Variants in LARGE2 observed in about 807,000 individuals in gnomAD.
LARGE2 encodes the protein LARGE xylosyl- and glucuronyltransferase 2.
A neutral mutation model predicts 75.3 loss-of-function variants in LARGE2; 63 were observed. That is an observed-to-expected ratio of 0.84 (90% CI 0.68 to 1.03). The LOEUF is 1.03. Ranked by LOEUF, LARGE2 falls within the 50% of genes least tolerant of loss-of-function variation. The pLI is 0.00. For missense variants in LARGE2, 925 were observed against 980.6 expected (o/e 0.94, Z 0.76); for synonymous variants, 428 against 420.1 (o/e 1.02, Z -0.23).
chr11:45,928,544 A>G, intron 13 of LARGE2, 86 bp from the exon 14 acceptor site: 2 of 1,553,468 alleles, frequency 1.3e-6, no homozygotes, highest in East Asian at 2.3e-5. Flanking sequence ...CTCAGGGGCT[A>G]CAGGGTAAGC....
upstream of LARGE2, among the ~76,000 whole-genome samples, chr11:45,922,416 C>A (rs568252513): frequency 1.5e-4 from 23 of 152,162 alleles, 1 homozygote; most frequent in South Asian, 4.4e-3. Context: ...GGCAGGGGGT[C>A]AGGGCAGGTA....
rs778966357 is a variant in LARGE2 at position 45,928,242 on chromosome 11, C to G, written c.1820C>G (p.Pro607Arg). 6.2e-7 allele frequency: 1 copy of G among 1,614,020 alleles called. No individual in the cohort carries two copies. The highest frequency in any genetic ancestry group is 1.7e-5 in the Admixed American group (1 of 60,024). Reference sequence around the variant, plus strand: ...GCCCGCTGGCGGGAGGCTCAGGCCCCGTACCGTGTGCAATGGGCGGCCAAC... The same window carrying G: ...GCCCGCTGGCGGGAGGCTCAGGCCCGGTACCGTGTGCAATGGGCGGCCAAC... Reference protein sequence around the residue: ...DYARWREAQAPYRVQWAANYE... With the variant: ...DYARWREAQARYRVQWAANYE... Residue 607 changes from proline to arginine, a missense_variant, in exon 13 of 14, where the codon CCG (proline) becomes CGG (arginine). This residue lies in a region of LARGE2 where 469 missense variants were observed against 503.8 expected (regional missense o/e 0.93). Transcript: ENST00000401752.
chr11:45,925,052 G>C (rs2087090754), intron 6 of LARGE2, among the ~76,000 whole-genome samples, 163 bp downstream of exon 6: 1 of 152,230 alleles, frequency 6.6e-6, no homozygotes, highest in South Asian at 2.1e-4. Flanking sequence ...TCCTGTGTGT[G>C]CTGGATGACT....
upstream of LARGE2, among the ~76,000 whole-genome samples, chr11:45,922,536 G>T (rs1441356841): frequency 6.6e-6 from 1 of 152,086 alleles, no homozygotes; most frequent in African/African-American, 2.4e-5. Flanking sequence ...GCGGGCTGGG[G>T]AACCGTCGGA....
chr11:45,929,033 T>C lies in LARGE2; in HGVS notation c.*188T>C, dbSNP rs1019519356. On this transcript the variant is annotated 3_prime_UTR_variant, in exon 14 of 14. Transcript: ENST00000401752. ...CTGGTCTCTCTCTGCCCCAGCCAGTTTGGGGCTGGTTCCCCCATCTTGAAT... is the reference window on the plus strand; with the variant it reads ...CTGGTCTCTCTCTGCCCCAGCCAGTCTGGGGCTGGTTCCCCCATCTTGAAT... 2.0e-4 allele frequency: 135 copies of C among 686,976 alleles called. No individual in the cohort carries two copies. In the Middle Eastern group the frequency reaches 3.5e-3, roughly 18 times the overall value. 42.6% of individuals were successfully genotyped at this position (686,976 alleles called of 1,614,324 possible). A position where few individuals can be genotyped will look rare whatever the true frequency, so the allele number is the denominator to read the frequency against.
intron 11 of LARGE2, 47 bp from the exon 12 acceptor site, chr11:45,927,873 C>T (rs1231268769): frequency 3.1e-6 from 5 of 1,609,168 alleles, no homozygotes; most frequent in South Asian, 1.1e-5. Context: ...CTGGCCCAGT[C>T]CTAGATGCCC....
At position 45,927,981 on chromosome 11, in the gene LARGE2, T is replaced by A. The variant is rs1230500689; in HGVS notation, c.1666T>A (p.Phe556Ile). 9.3e-6 allele frequency: 15 copies of A among 1,613,682 alleles called. No homozygotes were observed. The highest frequency in any genetic ancestry group is 1.3e-5 in the Non-Finnish European group (15 of 1,179,998). Residue 556 changes from phenylalanine to isoleucine, a missense_variant, in exon 12 of 14, where the codon TTC becomes ATC. By Grantham distance (21) the Phe-to-Ile change is conservative. Transcript: ENST00000401752. ...RRKAALVVPA[F>I]ETLRYRFSFP... Reference sequence around the variant, plus strand: ...CAAGGCAGCACTGGTGGTGCCGGCATTCGAGACCCTGCGCTACCGCTTCAG... The same window carrying A: ...CAAGGCAGCACTGGTGGTGCCGGCAATCGAGACCCTGCGCTACCGCTTCAG...
upstream of LARGE2, among the ~76,000 whole-genome samples, chr11:45,922,235 G>A (rs1386305232): frequency 6.6e-6 from 1 of 152,162 alleles, no homozygotes; most frequent in Non-Finnish European, 1.5e-5. Flanking sequence ...GGTGTCGGCC[G>A]GCTCCGCCCC....
chr11:45,923,126 T>C lies in LARGE2; in HGVS notation c.244T>C (p.Ser82Pro). ...GGCCGGCCCCGGGGACCACAACCGCTCCGACTGCGGCCCGCAGCCGCCGCC... is the reference window on the plus strand; with the variant it reads ...GGCCGGCCCCGGGGACCACAACCGCCCCGACTGCGGCCCGCAGCCGCCGCC... ...PGAGPGDHNR[S>P]DCGPQPPPPP... is the part of the protein sequence containing the mutation. The change falls in exon 2 of 14, where the codon TCC becomes CCC. Residue 82 changes from serine (S) to proline (P), a missense_variant. Ser to Pro is a moderately conservative substitution (Grantham distance 74, BLOSUM62 -1). This residue lies in a region of LARGE2 where 453 missense variants were observed against 460.2 expected (regional missense o/e 0.98). Transcript: ENST00000401752. The C allele has an allele frequency of 1.5e-6, 2 of 1,364,602 alleles. No individual in the cohort carries two copies. Among genetic ancestry groups the C allele is most frequent in the Non-Finnish European group, 1.9e-6 (2 of 1,067,432 alleles). 84.5% of individuals were successfully genotyped at this position (1,364,602 alleles called of 1,614,324 possible).
At chr11:45,928,458 C>T (rs2087358379) in intron 13 of LARGE2, 86 bp downstream of exon 13, 2 of 1,542,638 alleles carry the variant, frequency 1.3e-6, no homozygotes, top group African/African-American at 2.7e-5. Flanking sequence ...GGGGACCACA[C>T]CACTAGGCAA....
In LARGE2 at chr11:45,924,898, A is replaced by G; in HGVS notation, c.769+9A>G. ...CCGGGGATTTAACACAGGTGGGGACAGTGGTGAGGGGAGGCAGGCGGGGTG... is the reference window on the plus strand; with the variant it reads ...CCGGGGATTTAACACAGGTGGGGACGGTGGTGAGGGGAGGCAGGCGGGGTG... On this transcript the variant is annotated intron_variant, in intron 6 of 13. Transcript: ENST00000401752. The G allele has an allele frequency of 8.3e-6, 12 of 1,442,000 alleles. No individual in the cohort carries two copies. The highest frequency in any genetic ancestry group is 9.1e-6 in the Non-Finnish European group (10 of 1,093,026). 89.3% of individuals were successfully genotyped at this position (1,442,000 alleles called of 1,614,324 possible).
rs765214518 is a variant in LARGE2, at chr11:45,924,501, CACAGCCCCAGGTCTCCTGGATCCCCA to C, written c.493-1_517del. 6.2e-7 allele frequency: 1 copy of C among 1,609,948 alleles called. No individual in the cohort carries two copies. The highest frequency in any genetic ancestry group is 2.2e-5 in the East Asian group (1 of 44,794). ...CATCTCATCTCCTGCCTTTCCCCCACACAGCCCCAGGTCTCCTGGATCCCCAACAAGCACTACTCCGGCCTCTATGG... is the reference window on the plus strand; with the variant it reads ...CATCTCATCTCCTGCCTTTCCCCCACACAAGCACTACTCCGGCCTCTATGG... On this transcript the variant is annotated splice_acceptor_variant and splice_polypyrimidine_tract_variant and coding_sequence_variant and intron_variant, in exon 5 of 14. Coordinates refer to ENST00000401752, the MANE Select transcript of LARGE2 (RefSeq NM_001300721.2). LOFTEE classifies it high-confidence loss of function.
chr11:45,924,086 C>T (rs999996956), intron 3 of LARGE2, 68 bp from the exon 4 acceptor site: 29 of 1,564,228 alleles, frequency 1.9e-5, no homozygotes, highest in Non-Finnish European at 2.3e-5. Context: ...CTGCGCCCCT[C>T]GGGGTGGGGG....
At chr11:45,924,425 CCT>C in intron 4 of LARGE2, 79 bp from the exon 5 acceptor site, 1 of 1,570,908 alleles carries the variant, frequency 6.4e-7, no homozygotes, top group Non-Finnish European at 8.6e-7. Context: ...TACCCCCTCT[CCT>C]CTGTGTCACT....
rs1246916535 is a variant in LARGE2, at chr11:45,928,679, A to G, written c.2000A>G (p.His667Arg). 1.9e-6 allele frequency: 3 copies of G among 1,613,890 alleles called. No individual in the cohort carries two copies. The highest frequency in any genetic ancestry group is 2.5e-6 in the Non-Finnish European group (3 of 1,180,012). The change falls in exon 14 of 14, where the codon CAC becomes CGC. Residue 667 changes from histidine to arginine, a missense_variant. Coordinates refer to ENST00000401752, the MANE Select transcript of LARGE2 (RefSeq NM_001300721.2). ...GAGGCCTTCACCATCCATCTGCCCC[A>G]CGCTCCAAGCCTGGACATCTCCCGC... ...LPEAFTIHLP[H>R]APSLDISRFR...
chr11:45,927,254 A>G (rs969058514), intron 10 of LARGE2, 61 bp from the exon 11 acceptor site: 1 of 1,545,098 alleles, frequency 6.5e-7, no homozygotes, highest in Admixed American at 1.9e-5. Context: ...GAGGTTTGCC[A>G]GGCCTCCCTG....
rs757130808 is a variant in LARGE2 at position 45,928,758 on chromosome 11, C to A, written c.2079C>A (p.Phe693Leu). The A allele has an allele frequency of 2.5e-6, 4 of 1,614,008 alleles. No individual in the cohort carries two copies. Residue 693 changes from phenylalanine (F) to leucine (L), a missense_variant, in exon 14 of 14, where the codon TTC becomes TTA. Physicochemically the swap from Phe to Leu is conservative, Grantham distance 22 (BLOSUM62 0). This residue lies in a region of LARGE2 where 469 missense variants were observed against 503.8 expected (regional missense o/e 0.93). Transcript: ENST00000401752. ...RDCLQALKDE[F>L]HQDLSRHHGA... ...GCCTCCAGGCCCTCAAGGACGAATTCCACCAGGACTTGTCCCGCCACCATG... is the reference window on the plus strand; with the variant it reads ...GCCTCCAGGCCCTCAAGGACGAATTACACCAGGACTTGTCCCGCCACCATG...
chr11:45,921,986 G>C (rs2086937237), upstream of LARGE2, among the ~76,000 whole-genome samples: 1 of 152,106 alleles, frequency 6.6e-6, no homozygotes, highest in African/African-American at 2.4e-5. Flanking sequence ...GAGGAAAGAC[G>C]AGCTCCAGGC....
Position 45,926,758 on chromosome 11 carries a change from G to A in LARGE2, c.1212G>A (p.Glu404=), listed in dbSNP as rs568895884. 18 of 1,613,698 alleles carry A rather than the reference G, an allele frequency of 1.1e-5. No individual in the cohort carries two copies. The East Asian group carries it at 4.0e-4, about 36-fold the overall frequency. ...AQLDEEDPCF[E]FRQQQLTVHR... ...TGGACGAGGAAGACCCCTGCTTTGA[G>A]TTCCGGCAGCAGCAGCTCACTGTGC... The change falls in exon 10 of 14, where the codon GAG becomes GAA. Residue 404 remains glutamate (E), a synonymous_variant. Transcript: ENST00000401752.
Sources: allele counts gnomAD v4.1 joint callset (sites outside exome capture counted in the v4.1 genomes callset), GRCh38; gene constraint gnomAD v4.1.1; regional missense constraint gnomAD v4.1.1; transcripts MANE v1.5; gene names NCBI Gene and HGNC (gene_info 2026-07-23, HGNC 2026-07-21).